Variants in UNC5D observed in about 807,000 individuals in gnomAD.
UNC5D encodes netrin receptor UNC5D.
A neutral mutation model predicts 105.4 loss-of-function variants in UNC5D; 39 were observed. That is an observed-to-expected ratio of 0.37 (90% confidence interval 0.29 to 0.48). UNC5D has a LOEUF of 0.48. Ranked by LOEUF, UNC5D falls within the 20% of genes least tolerant of loss-of-function variation. The pLI is 0.98. For missense variants in UNC5D, 991 were observed against 1,202.4 expected, an observed-to-expected ratio of 0.82 and a Z score of 2.60; for synonymous variants, 452 against 450.4, an observed-to-expected ratio of 1.00 and a Z score of -0.04.
In UNC5D at chr8:35,235,595, G is replaced by T; in HGVS notation, c.-190G>T. Reference sequence around the variant, plus strand: ...GCGCCGTGGGAAGCTATGGGGACGCGCCCTTTCTCGGGGTGCCCATTCAGC... The same window carrying T: ...GCGCCGTGGGAAGCTATGGGGACGCTCCCTTTCTCGGGGTGCCCATTCAGC... On this transcript the variant is annotated 5_prime_UTR_variant, in exon 1 of 17. Transcript: ENST00000404895. 4.9e-6 allele frequency: 2 copies of T among 412,162 alleles called. No homozygotes were observed. Among genetic ancestry groups the T allele is most frequent in the Non-Finnish European group, 8.2e-6 (2 of 243,934 alleles). The allele number at this position is 412,162 out of a possible 1,614,324, so 25.5% of individuals were successfully genotyped here.
chr8:35,487,593 A>ACACACACACACACACACACACACCC (rs1415748793), intron 1 of UNC5D, among the ~76,000 whole-genome samples: 9 of 150,472 alleles, frequency 6.0e-5, no homozygotes, highest in African/African-American at 2.2e-4. Flanking sequence ...ACACACACAC[A>ACACACACACACACACACACACACCC]CCCCACAGAC....
chr8:35,705,158 G>A (rs1044863840), intron 7 of UNC5D, among the ~76,000 whole-genome samples: 2 of 151,970 alleles, frequency 1.3e-5, no homozygotes, highest in East Asian at 3.9e-4. Context: ...TAGAGACGGG[G>A]TTTCACCGTG....
chr8:35,405,725 A>G (rs1804765862), intron 1 of UNC5D, among the ~76,000 whole-genome samples: 2 of 152,062 alleles, frequency 1.3e-5, no homozygotes, highest in Non-Finnish European at 2.9e-5. Flanking sequence ...ATATTATCAC[A>G]GTTGTTTCAT....
intron 7 of UNC5D, among the ~76,000 whole-genome samples, chr8:35,700,459 T>G (rs1245504711): frequency 1.3e-5 from 2 of 152,032 alleles, no homozygotes; most frequent in African/African-American, 4.8e-5. Context: ...TATTAATTTT[T>G]GGAAAAAAAA....
At chr8:35,656,871 A>G (rs748380410) in intron 4 of UNC5D, among the ~76,000 whole-genome samples, 26 of 151,968 alleles carry the variant, frequency 1.7e-4, no homozygotes, top group Non-Finnish European at 2.5e-4. Context: ...CAGTCTTTCT[A>G]TCTTTCAGCA....
At chr8:35,606,237 C>T (rs951692207) in intron 4 of UNC5D, among the ~76,000 whole-genome samples, 4 of 152,130 alleles carry the variant, frequency 2.6e-5, no homozygotes, top group Non-Finnish European at 4.4e-5. Context: ...CCACCCAGCT[C>T]ATCCTCTCAA....
At chr8:35,632,893 G>T (rs565396525) in intron 4 of UNC5D, among the ~76,000 whole-genome samples, 1 of 152,190 alleles carries the variant, frequency 6.6e-6, no homozygotes, top group East Asian at 1.9e-4. Flanking sequence ...CCCTTTCCTG[G>T]TCCAAAACTA....
intron 8 of UNC5D, among the ~76,000 whole-genome samples, chr8:35,708,588 T>C (rs761875237): frequency 7.2e-5 from 11 of 152,190 alleles, no homozygotes; most frequent in Admixed American, 5.2e-4. Flanking sequence ...AATGGTTGCC[T>C]TGAGACAATA....
chr8:35,513,354 A>G (rs1055475998), intron 1 of UNC5D, among the ~76,000 whole-genome samples: 13 of 150,694 alleles, frequency 8.6e-5, no homozygotes, highest in African/African-American at 3.2e-4. Context: ...TCAGCATCCC[A>G]AGTAGCTGGG....
At position 35,683,610 on chromosome 8, in the gene UNC5D, G is replaced by T; in HGVS notation, c.634G>T (p.Ala212Ser). ...ACAAGACGAGAACATTGACACCAGG[G>T]CTGACCATAACCTGATCATCAGGCA... ...SEQDENIDTR[A>S]DHNLIIRQAR... Residue 212 changes from alanine to serine, a missense_variant, in exon 5 of 17, where the codon GCT (alanine) becomes TCT (serine). Coordinates refer to ENST00000404895, the MANE Select transcript of UNC5D (RefSeq NM_080872.4). 1 of 1,581,250 alleles carries T rather than the reference G, an allele frequency of 6.3e-7. No homozygotes were observed. The highest frequency in any genetic ancestry group is 8.6e-7 in the Non-Finnish European group (1 of 1,168,486).
At position 35,473,754 on chromosome 8, in the gene UNC5D, T is replaced by A. The variant is rs568168903; in HGVS notation, c.104-75538T>A. On this transcript the variant is annotated intron_variant, in intron 1 of 16. Transcript: ENST00000404895. ...ACAATTAACAATATAACAGTGATAT[T>A]TTTGGCTATTTATGGGGTGTGTGTA... Among the ~76,000 whole-genome samples the A allele has an allele frequency of 1.3e-3, 193 of 152,286 alleles. 1 individual carries two copies. Among genetic ancestry groups the A allele is most frequent in the African/African-American group, 4.4e-3 (181 of 41,564 alleles).
chr8:35,347,094 G>A (rs886124220), intron 1 of UNC5D, among the ~76,000 whole-genome samples: 2 of 152,044 alleles, frequency 1.3e-5, no homozygotes, highest in African/African-American at 4.8e-5. Flanking sequence ...TGAAAGGATA[G>A]CAAAGAACAG....
chr8:35,260,642 T>C (rs887887502), intron 1 of UNC5D, among the ~76,000 whole-genome samples: 2 of 152,212 alleles, frequency 1.3e-5, no homozygotes, highest in East Asian at 3.9e-4. Context: ...TGTTTGTATT[T>C]TAGTAGAGAT....
At chr8:35,665,612 G>T (rs1824371654) in intron 4 of UNC5D, among the ~76,000 whole-genome samples, 1 of 149,312 alleles carries the variant, frequency 6.7e-6, no homozygotes, top group African/African-American at 2.5e-5. Context: ...CTCCCAAAAA[G>T]CCCATGAGGT....
intron 1 of UNC5D, among the ~76,000 whole-genome samples, chr8:35,309,643 A>G (rs1488398846): frequency 6.6e-6 from 1 of 152,216 alleles, no homozygotes; most frequent in African/African-American, 2.4e-5. Flanking sequence ...AGGCTGAAAT[A>G]CCAGAATTCC....
At chr8:35,708,672 G>A (rs1382183557) in intron 8 of UNC5D, among the ~76,000 whole-genome samples, 2 of 152,192 alleles carry the variant, frequency 1.3e-5, no homozygotes, top group African/African-American at 2.4e-5. Context: ...GGTTTGGTAA[G>A]TTCACCTGAA....
At chr8:35,675,204 A>G (rs963104066) in intron 4 of UNC5D, among the ~76,000 whole-genome samples, 3 of 152,196 alleles carry the variant, frequency 2.0e-5, no homozygotes, top group South Asian at 2.1e-4. Flanking sequence ...GGTCATTTCT[A>G]TGCTCAGCTC....
intron 4 of UNC5D, among the ~76,000 whole-genome samples, chr8:35,607,735 A>G (rs555687476): frequency 2.0e-5 from 3 of 152,166 alleles, no homozygotes; most frequent in East Asian, 3.9e-4. Context: ...TTTGATGGGC[A>G]CTTCTCCTTC....
At position 35,350,072 on chromosome 8, in the gene UNC5D, T is replaced by A. The variant is rs906654146; in HGVS notation, c.103+114185T>A. Among the ~76,000 whole-genome samples the A allele has an allele frequency of 3.4e-4, 52 of 152,050 alleles. 1 individual carries two copies. Among genetic ancestry groups the A allele is most frequent in the African/African-American group, 1.1e-3 (47 of 41,546 alleles). On this transcript the variant is annotated intron_variant, in intron 1 of 16. Coordinates refer to ENST00000404895, the MANE Select transcript of UNC5D (RefSeq NM_080872.4). ...ATTTAATTTAATAAATTAATTTATT[T>A]TTTTTGCCTGGATCTCCCGAAAGAG...
Sources: allele counts gnomAD v4.1 joint callset (sites outside exome capture counted in the v4.1 genomes callset), GRCh38; gene constraint gnomAD v4.1.1; transcripts MANE v1.5; gene names NCBI Gene and HGNC (gene_info 2026-07-23, HGNC 2026-07-21).